Variants in HS3ST3A1 observed in about 807,000 individuals in gnomAD.
HS3ST3A1 encodes heparan sulfate glucosamine 3-O-sulfotransferase 3A1.
Under a neutral mutation model 25.7 loss-of-function variants are expected in HS3ST3A1, and 19 were observed. That is an observed-to-expected ratio of 0.74 (90% confidence interval 0.52 to 1.08). HS3ST3A1 has a LOEUF of 1.08. Among genes scored for constraint, HS3ST3A1 ranks in the 50% least tolerant of loss-of-function variants. HS3ST3A1 has a pLI of 0.00. For missense variants in HS3ST3A1, 459 were observed against 594.3 expected, an observed-to-expected ratio of 0.77 and a Z score of 2.37; for synonymous variants, 226 against 278.6, an observed-to-expected ratio of 0.81 and a Z score of 1.88.
intron 1 of HS3ST3A1, among the ~76,000 whole-genome samples, chr17:13,506,097 A>T (rs1426031980): frequency 2.2e-5 from 3 of 136,398 alleles, no homozygotes; most frequent in Admixed American, 7.3e-5. Context: ...TTTTTTTTTT[A>T]AAGTTAGGGT....
chr17:13,593,619 T>C (rs1908495428), intron 1 of HS3ST3A1, among the ~76,000 whole-genome samples: 1 of 152,130 alleles, frequency 6.6e-6, no homozygotes. Flanking sequence ...AAACACGGAA[T>C]AAAAGAGAAT....
intron 1 of HS3ST3A1, among the ~76,000 whole-genome samples, chr17:13,509,483 T>C (rs1209601730): frequency 7.2e-6 from 1 of 139,294 alleles, no homozygotes; most frequent in African/African-American, 2.6e-5. Context: ...TCCATAAAAA[T>C]GATGACAAAT....
chr17:13,584,013 G>C (rs555930339), intron 1 of HS3ST3A1, among the ~76,000 whole-genome samples: 154 of 152,288 alleles, frequency 1.0e-3, no homozygotes, highest in African/African-American at 3.6e-3. Context: ...GGAAAGTATT[G>C]AATGCAAAGC....
intron 1 of HS3ST3A1, among the ~76,000 whole-genome samples, chr17:13,555,564 T>C (rs1907350032): frequency 6.6e-6 from 1 of 152,126 alleles, no homozygotes; most frequent in Non-Finnish European, 1.5e-5. Flanking sequence ...CATCCTAGAC[T>C]TGATTAAAGA....
rs201104765 is a variant in HS3ST3A1, at chr17:13,516,317, T to TA, written c.600-19500dup. On this transcript the variant is annotated intron_variant, in intron 1 of 1. Transcript: ENST00000284110. ...AGCGCAAGACTCTGTCTCAAAAAAA[T>TA]AAAAAAATAAATAAATAAATAAAAG... 7.9e-3 allele frequency among the ~76,000 whole-genome samples: 1,201 copies of TA among 151,652 alleles called. 22 individuals carry two copies. The highest frequency in any genetic ancestry group is 0.028 in the African/African-American group (1,147 of 41,338).
At chr17:13,517,449 A>G (rs1372046618) in intron 1 of HS3ST3A1, among the ~76,000 whole-genome samples, 1 of 152,192 alleles carries the variant, frequency 6.6e-6, no homozygotes, top group East Asian at 1.9e-4. Context: ...TTATGTTCAC[A>G]GAAGGAGTAC....
At chr17:13,580,897 C>T (rs909084969) in intron 1 of HS3ST3A1, among the ~76,000 whole-genome samples, 1 of 151,584 alleles carries the variant, frequency 6.6e-6, no homozygotes, top group African/African-American at 2.4e-5. Context: ...ATCTCAAAAA[C>T]AAACAAAAAA....
chr17:13,499,398 C>T (rs755469214), intron 1 of HS3ST3A1, among the ~76,000 whole-genome samples: 7 of 152,160 alleles, frequency 4.6e-5, no homozygotes, highest in Admixed American at 1.3e-4. Context: ...AAGTTTTGGG[C>T]TTGGAAAGCA....
chr17:13,563,967 A>C (rs1907615436), intron 1 of HS3ST3A1, among the ~76,000 whole-genome samples: 1 of 152,226 alleles, frequency 6.6e-6, no homozygotes, highest in Admixed American at 6.5e-5. Flanking sequence ...TTATTATTGA[A>C]TAAATGGGCC....
chr17:13,546,868 A>G (rs1345576321), intron 1 of HS3ST3A1, among the ~76,000 whole-genome samples: 1 of 152,218 alleles, frequency 6.6e-6, no homozygotes, highest in East Asian at 1.9e-4. Flanking sequence ...TCTGGAGACA[A>G]GTGTAGGGAG....
intron 1 of HS3ST3A1, among the ~76,000 whole-genome samples, chr17:13,553,129 G>A (rs1907286509): frequency 6.6e-6 from 1 of 152,130 alleles, no homozygotes; most frequent in Non-Finnish European, 1.5e-5. Context: ...TGGCTAAAGG[G>A]TGCAAACAAA....
At chr17:13,544,044 G>A (rs1907012049) in intron 1 of HS3ST3A1, among the ~76,000 whole-genome samples, 1 of 152,090 alleles carries the variant, frequency 6.6e-6, no homozygotes, top group Non-Finnish European at 1.5e-5. Context: ...TATTAGTAAA[G>A]CATCAAATAA....
intron 1 of HS3ST3A1, among the ~76,000 whole-genome samples, chr17:13,556,848 C>T (rs9898944): frequency 0.35 from 50,267 of 145,070 alleles, 11,153 homozygotes; most frequent in African/African-American, 0.64. Flanking sequence ...CGAAACTCCG[C>T]CTAAAAAAAA....
At chr17:13,572,244 T>C (rs1907836385) in intron 1 of HS3ST3A1, among the ~76,000 whole-genome samples, 1 of 152,194 alleles carries the variant, frequency 6.6e-6, no homozygotes, top group African/African-American at 2.4e-5. Context: ...AAACATTTAA[T>C]CAAATGTATT....
At chr17:13,507,083 A>G (rs9892266) in intron 1 of HS3ST3A1, among the ~76,000 whole-genome samples, 1 of 144,580 alleles carries the variant, frequency 6.9e-6, no homozygotes, top group African/African-American at 2.7e-5. Context: ...AAAAAAAAAA[A>G]AAACAAAAAA....
intron 1 of HS3ST3A1, among the ~76,000 whole-genome samples, chr17:13,584,657 C>A (rs1038205470): frequency 6.6e-6 from 1 of 152,140 alleles, no homozygotes; most frequent in Non-Finnish European, 1.5e-5. Flanking sequence ...TGCCACTATA[C>A]ATAAGCAAAC....
intron 1 of HS3ST3A1, among the ~76,000 whole-genome samples, chr17:13,587,486 T>C (rs1490830177): frequency 6.6e-6 from 1 of 152,100 alleles, no homozygotes; most frequent in Non-Finnish European, 1.5e-5. Context: ...TCAAAAATCT[T>C]TCCCAACCTT....
At chr17:13,523,174 A>G (rs1051438405) in intron 1 of HS3ST3A1, among the ~76,000 whole-genome samples, 4 of 152,106 alleles carry the variant, frequency 2.6e-5, no homozygotes, top group African/African-American at 9.7e-5. Flanking sequence ...AGCTTTCTCT[A>G]TTTTTTTCTT....
chr17:13,577,169 C>A (rs1239686631), intron 1 of HS3ST3A1, among the ~76,000 whole-genome samples: 2 of 152,180 alleles, frequency 1.3e-5, no homozygotes, highest in Non-Finnish European at 2.9e-5. Flanking sequence ...GATTCAATTA[C>A]CTTCCACCAG....
Sources: allele counts gnomAD v4.1 joint callset (sites outside exome capture counted in the v4.1 genomes callset), GRCh38; gene constraint gnomAD v4.1.1; transcripts MANE v1.5; gene names NCBI Gene and HGNC (gene_info 2026-07-23, HGNC 2026-07-21).